RASAL2: variants seen among roughly 807,000 people sequenced by gnomAD.
RASAL2 encodes the protein ras GTPase-activating protein nGAP.
Under a neutral mutation model 128.9 loss-of-function variants are expected in RASAL2, and 58 were observed. The observed-to-expected ratio is 0.45, with a 90% CI of 0.36 to 0.56. RASAL2 has a LOEUF of 0.56. RASAL2 is among the 20% of genes least tolerant of loss of function. The pLI, the probability that RASAL2 is intolerant of heterozygous loss-of-function variation, is 0.00. For synonymous variants in RASAL2, 561 were observed against 580.8 expected, an observed-to-expected ratio of 0.97 and a Z score of 0.49; for missense variants, 1,360 against 1,601.6, an observed-to-expected ratio of 0.85 and a Z score of 2.57.
chr1:178,358,769 T>C (rs1670954754), intron 3 of RASAL2, among the ~76,000 whole-genome samples: 1 of 152,150 alleles, frequency 6.6e-6, no homozygotes, highest in African/African-American at 2.4e-5. Flanking sequence ...AGAGATTCTA[T>C]TCCTATGTAT....
chr1:178,388,744 G>A (rs1672727204), intron 3 of RASAL2, among the ~76,000 whole-genome samples: 1 of 152,230 alleles, frequency 6.6e-6, no homozygotes. Flanking sequence ...TACTGGATCT[G>A]TGTAAAATGG....
At chr1:178,141,177 A>ACTTTTCTTTT (rs1204693680) in intron 1 of RASAL2, among the ~76,000 whole-genome samples, 1 of 126,442 alleles carries the variant, frequency 7.9e-6, no homozygotes. Flanking sequence ...ACTGGAGACC[A>ACTTTTCTTTT]CTTTTCTTTT....
chr1:178,372,931 T>C (rs921519659), intron 3 of RASAL2, among the ~76,000 whole-genome samples: 5 of 152,190 alleles, frequency 3.3e-5, no homozygotes, highest in African/African-American at 1.2e-4. Flanking sequence ...AGTTAGGTTG[T>C]AAATCCAGTC....
chr1:178,107,473 A>C (rs1659136052), intron 1 of RASAL2, among the ~76,000 whole-genome samples: 1 of 152,146 alleles, frequency 6.6e-6, no homozygotes, highest in Admixed American at 6.5e-5. Context: ...ATTATGGTAA[A>C]TATAGCAAAT....
At chr1:178,140,489 C>T (rs1268666106) in intron 1 of RASAL2, among the ~76,000 whole-genome samples, 1 of 152,124 alleles carries the variant, frequency 6.6e-6, no homozygotes, top group Non-Finnish European at 1.5e-5. Flanking sequence ...CCATTCTTTC[C>T]TCCCCCTGAA....
chr1:178,407,796 G>A (rs1674087207), intron 4 of RASAL2, among the ~76,000 whole-genome samples: 2 of 152,180 alleles, frequency 1.3e-5, no homozygotes, highest in African/African-American at 4.8e-5. Flanking sequence ...TTAAGGGAAC[G>A]CAGCAGTGCT....
At chr1:178,399,635 A>G (rs919623491) in intron 4 of RASAL2, among the ~76,000 whole-genome samples, 1 of 152,194 alleles carries the variant, frequency 6.6e-6, no homozygotes, top group African/African-American at 2.4e-5. Flanking sequence ...TGTGACATTA[A>G]ATAGTAAATA....
intron 1 of RASAL2, among the ~76,000 whole-genome samples, chr1:178,233,080 G>A (rs1664078464): frequency 6.6e-6 from 1 of 152,198 alleles, no homozygotes; most frequent in Non-Finnish European, 1.5e-5. Context: ...TTTAGGTGCT[G>A]CTGAAGTTTT....
At chr1:178,164,481 TTGTGTGTGTGTGTGTGTGTGTGTGCGTG>T (rs1490099998) in intron 1 of RASAL2, among the ~76,000 whole-genome samples, 1 of 144,994 alleles carries the variant, frequency 6.9e-6, no homozygotes, top group Non-Finnish European at 1.5e-5. Flanking sequence ...TAATTAGCAT[TTGTGTGTGTGTGTGTGTGTGTGTGCGTG>T]TGTGTGTGTG....
intron 6 of RASAL2, among the ~76,000 whole-genome samples, chr1:178,441,239 C>G (rs1047396525): frequency 2.6e-5 from 4 of 152,122 alleles, no homozygotes; most frequent in Admixed American, 6.6e-5. Context: ...TTCCTTTTGG[C>G]CTTGTCTACT....
chr1:178,377,999 T>G (rs1003506663), intron 3 of RASAL2, among the ~76,000 whole-genome samples: 7 of 151,288 alleles, frequency 4.6e-5, no homozygotes, highest in African/African-American at 7.3e-5. Flanking sequence ...TTTTTAAACC[T>G]GATTAACCTG....
chr1:178,357,456 T>G (rs1670870956), intron 3 of RASAL2, among the ~76,000 whole-genome samples: 1 of 152,094 alleles, frequency 6.6e-6, no homozygotes, highest in Non-Finnish European at 1.5e-5. Flanking sequence ...GATCTATTTC[T>G]ATATCAATGT....
intron 5 of RASAL2, among the ~76,000 whole-genome samples, chr1:178,424,217 G>A (rs1675353291): frequency 6.6e-6 from 1 of 151,010 alleles, no homozygotes; most frequent in Admixed American, 6.6e-5. Context: ...AAAGTGTTGT[G>A]GTTTTTTTTT....
At chr1:178,278,896 A>T (rs1437502716) in intron 1 of RASAL2, among the ~76,000 whole-genome samples, 1 of 148,972 alleles carries the variant, frequency 6.7e-6, no homozygotes, top group Non-Finnish European at 1.5e-5. Flanking sequence ...ATATCATGCT[A>T]TGATGCTCCT....
chr1:178,414,264 A>G (rs968471363), intron 4 of RASAL2, among the ~76,000 whole-genome samples: 1 of 152,214 alleles, frequency 6.6e-6, no homozygotes, highest in Admixed American at 6.5e-5. Context: ...AAACTATGGA[A>G]TCAGTGAAAA....
At chr1:178,260,428 A>T in intron 1 of RASAL2, among the ~76,000 whole-genome samples, 1 of 119,640 alleles carries the variant, frequency 8.4e-6, no homozygotes, top group Non-Finnish European at 1.7e-5. Flanking sequence ...TAATAATTTT[A>T]GCAAACTGGA....
At chr1:178,391,292 A>G (rs1052461883) in intron 4 of RASAL2, among the ~76,000 whole-genome samples, 9 of 152,144 alleles carry the variant, frequency 5.9e-5, no homozygotes, top group African/African-American at 2.2e-4. Flanking sequence ...GTGAGATTAT[A>G]TTTATTTCAC....
At chr1:178,221,045 G>T (rs12044522) in intron 1 of RASAL2, among the ~76,000 whole-genome samples, 13,248 of 152,242 alleles carry the variant, frequency 0.087, 617 homozygotes, top group Middle Eastern at 0.13. Flanking sequence ...CACCAGCAGT[G>T]CATGAGAGTT....
chr1:178,172,512 G>A (rs893407243), intron 1 of RASAL2, among the ~76,000 whole-genome samples: 4 of 151,968 alleles, frequency 2.6e-5, no homozygotes, highest in East Asian at 1.9e-4. Flanking sequence ...CCTATTGCCC[G>A]CTTGTTGTAG....
Sources: allele counts gnomAD v4.1 joint callset (sites outside exome capture counted in the v4.1 genomes callset), GRCh38; gene constraint gnomAD v4.1.1; transcripts MANE v1.5; gene names NCBI Gene and HGNC (gene_info 2026-07-23, HGNC 2026-07-21).